RGS5: variants seen among roughly 807,000 people sequenced by gnomAD.
The protein encoded by RGS5 is regulator of G protein signaling 5, also known as regulator of G-protein signalling 5.
In RGS5, 20 loss-of-function variants were observed where a neutral mutation model predicts 18.9. That is an observed-to-expected ratio of 1.06 (90% CI 0.74 to 1.54). The LOEUF is 1.54. Ranked by LOEUF, RGS5 falls within the 40% of genes most tolerant of loss-of-function variation. The pLI, the probability that RGS5 is intolerant of heterozygous loss-of-function variation, is 0.00. For synonymous variants in RGS5, 57 were observed against 76.2 expected (o/e 0.75, Z 1.31); for missense variants, 201 against 211.8 (o/e 0.95, Z 0.32).
intron 2 of RGS5, among the ~76,000 whole-genome samples, chr1:163,292,176 C>G (rs1170156831): frequency 1.3e-5 from 2 of 152,110 alleles, no homozygotes; most frequent in Non-Finnish European, 2.9e-5. Context: ...TTCTACCCCC[C>G]ACCCTCTGAC....
intron 4 of RGS5, among the ~76,000 whole-genome samples, chr1:163,150,994 T>C (rs1365939165): frequency 1.3e-5 from 2 of 152,204 alleles, no homozygotes; most frequent in African/African-American, 2.4e-5. Context: ...CTCCAAACCT[T>C]GATGAAACAT....
At chr1:163,175,955 T>A (rs1476535000) in intron 1 of RGS5, among the ~76,000 whole-genome samples, 1 of 152,140 alleles carries the variant, frequency 6.6e-6, no homozygotes, top group Non-Finnish European at 1.5e-5. Context: ...TAAACACAAG[T>A]GAATCATTCC....
At chr1:163,164,120 C>G (rs1246669719) in intron 2 of RGS5, among the ~76,000 whole-genome samples, 2 of 152,156 alleles carry the variant, frequency 1.3e-5, no homozygotes, top group Non-Finnish European at 2.9e-5. Context: ...AAGTAGGATA[C>G]ATCCCCCACA....
At chr1:163,238,567 A>C (rs1053850505) in intron 2 of RGS5, 4 of 166,630 alleles carry the variant, frequency 2.4e-5, no homozygotes, top group African/African-American at 9.6e-5. Flanking sequence ...ACAATTGTAG[A>C]GCAACCTGGT....
At chr1:163,284,263 G>A (rs1649079171) in intron 2 of RGS5, among the ~76,000 whole-genome samples, 1 of 152,030 alleles carries the variant, frequency 6.6e-6, no homozygotes, top group Non-Finnish European at 1.5e-5. Context: ...AGATTTGTTA[G>A]CCCATCTCTT....
chr1:163,320,732 T>C (rs1413982459), intron 1 of RGS5, among the ~76,000 whole-genome samples: 3 of 152,174 alleles, frequency 2.0e-5, no homozygotes, highest in Admixed American at 6.5e-5. Flanking sequence ...CATCAGTAAA[T>C]AGACATTGAA....
intron 2 of RGS5, among the ~76,000 whole-genome samples, chr1:163,235,581 C>T (rs1479729310): frequency 3.3e-5 from 5 of 152,084 alleles, no homozygotes; most frequent in African/African-American, 1.2e-4. Flanking sequence ...CTTATTTTTC[C>T]CCATCTGGGT....
chr1:163,234,788 G>C (rs1647577797), intron 2 of RGS5, among the ~76,000 whole-genome samples: 3 of 152,138 alleles, frequency 2.0e-5, no homozygotes, highest in Admixed American at 2.0e-4. Context: ...TTTTGTCTGA[G>C]CTGCATTCAC....
rs563118959 is a variant in RGS5, at chr1:163,148,716, A to C, written c.385-1213T>G. On this transcript the variant is annotated intron_variant, in intron 4 of 4. Coordinates refer to ENST00000313961, the MANE Select transcript of RGS5 (RefSeq NM_003617.4). ...AGGGCCACTACATTGCAACCATACT[A>C]GGGTCTACGTGAATGGTTCCTCTGG... is the stretch of plus-strand genomic sequence containing the variant. 8.5e-4 allele frequency among the ~76,000 whole-genome samples: 130 copies of C among 152,288 alleles called. 2 individuals carry two copies. The highest frequency in any genetic ancestry group is 3.0e-3 in the African/African-American group (125 of 41,576).
chr1:163,228,870 GC>G (rs1342848981), intron 2 of RGS5, among the ~76,000 whole-genome samples: 3 of 152,140 alleles, frequency 2.0e-5, no homozygotes, highest in South Asian at 2.1e-4. Flanking sequence ...AGCCACCTTT[GC>G]CCCCGTTCCC....
chr1:163,196,003 G>A (rs951008807), intron 1 of RGS5, among the ~76,000 whole-genome samples: 4 of 152,114 alleles, frequency 2.6e-5, no homozygotes, highest in Non-Finnish European at 5.9e-5. Context: ...CAATTCAAGC[G>A]CTGGTCTTGA....
chr1:163,252,451 C>T (rs577483748), intron 2 of RGS5, among the ~76,000 whole-genome samples: 4 of 152,276 alleles, frequency 2.6e-5, no homozygotes, highest in African/African-American at 4.8e-5. Flanking sequence ...TACATTTCGA[C>T]GTTTCTCAGT....
At chr1:163,164,943 T>A (rs1311216318) in intron 2 of RGS5, among the ~76,000 whole-genome samples, 1 of 152,216 alleles carries the variant, frequency 6.6e-6, no homozygotes, top group Non-Finnish European at 1.5e-5. Flanking sequence ...AAATTCAAGT[T>A]ATTTACTGTC....
chr1:163,299,458 G>A (rs891231369), intron 2 of RGS5, among the ~76,000 whole-genome samples: 8 of 152,086 alleles, frequency 5.3e-5, no homozygotes, highest in Admixed American at 3.3e-4. Context: ...TTTTGCCTTC[G>A]TTCTGCCACC....
At chr1:163,222,696 C>T (rs1309976630) in intron 2 of RGS5, among the ~76,000 whole-genome samples, 1 of 152,140 alleles carries the variant, frequency 6.6e-6, no homozygotes, top group East Asian at 1.9e-4. Flanking sequence ...GACCTCTCAG[C>T]ACTCAAAGGA....
chr1:163,152,504 G>T, intron 4 of RGS5, 46 bp downstream of exon 4: 1 of 1,551,498 alleles, frequency 6.4e-7, no homozygotes, highest in East Asian at 2.3e-5. Flanking sequence ...TCCTTCCTGA[G>T]AGCTAATGAG....
At chr1:163,221,274 G>T (rs1006680009), upstream of RGS5, among the ~76,000 whole-genome samples, 1 of 152,208 alleles carries the variant, frequency 6.6e-6, no homozygotes, top group Non-Finnish European at 1.5e-5. Flanking sequence ...AAGGTGAGCA[G>T]ATCACTTGAT....
chr1:163,289,436 C>T (rs570062178), intron 2 of RGS5, among the ~76,000 whole-genome samples: 4 of 152,046 alleles, frequency 2.6e-5, no homozygotes, highest in East Asian at 1.9e-4. Flanking sequence ...ATCTAGAGAA[C>T]GCATGAAATG....
intron 2 of RGS5, among the ~76,000 whole-genome samples, chr1:163,167,012 G>A (rs1352757078): frequency 6.6e-6 from 1 of 152,020 alleles, no homozygotes; most frequent in Non-Finnish European, 1.5e-5. Context: ...CTTTTCAAAT[G>A]CAGAAAACGC....
Sources: gnomAD v4.1 joint callset for allele counts (sites outside exome capture counted in the v4.1 genomes callset) on GRCh38, gnomAD v4.1.1 for gene constraint, MANE v1.5 for transcripts, NCBI Gene and HGNC (gene_info 2026-07-23, HGNC 2026-07-21) for gene names.